Variants in ARHGAP26 observed in about 807,000 individuals in gnomAD.
The protein encoded by ARHGAP26 is Rho GTPase activating protein 26.
In ARHGAP26, 38 loss-of-function variants were observed where a neutral mutation model predicts 104.8. The ratio of observed to expected loss-of-function variants is 0.36; its 90% confidence interval spans 0.28 to 0.48. The LOEUF (loss-of-function observed/expected upper bound fraction) is 0.48. Ranked by LOEUF, ARHGAP26 falls within the 20% of genes least tolerant of loss-of-function variation. The probability of loss-of-function intolerance (pLI) is 0.99; values close to 1 mark genes in which losing one functional copy is unlikely to be tolerated. For synonymous variants in ARHGAP26, 341 were observed against 340.0 expected (o/e 1.00, Z -0.03); for missense variants, 704 against 947.9 (o/e 0.74, Z 3.38).
intron 1 of ARHGAP26, among the ~76,000 whole-genome samples, chr5:142,849,963 G>A (rs894631383): frequency 3.2e-4 from 48 of 152,194 alleles, no homozygotes; most frequent in Middle Eastern, 3.4e-3. Flanking sequence ...TTCTCACCAC[G>A]CCAACCACTG....
At chr5:143,170,510 GA>G (rs1156707302) in intron 20 of ARHGAP26, 1 of 152,210 alleles carries the variant, frequency 6.6e-6, no homozygotes, top group East Asian at 1.9e-4. Context: ...TTCATATCCT[GA>G]GAACAAATTT....
intron 12 of ARHGAP26, among the ~76,000 whole-genome samples, chr5:143,029,392 G>GTTTTTTTTTTTTTTTTTTTTTTT (rs536919888): frequency 2.5e-5 from 2 of 80,812 alleles, no homozygotes. Context: ...TTACTTCTCA[G>GTTTTTTTTTTTTTTTTTTTTTTT]TTTTTTTTTT....
At chr5:143,075,446 T>A (rs1788858294) in intron 17 of ARHGAP26, among the ~76,000 whole-genome samples, 1 of 151,972 alleles carries the variant, frequency 6.6e-6, no homozygotes, top group Admixed American at 6.6e-5. Flanking sequence ...TTTAAAAAAA[T>A]GTTTCTCAGA....
At chr5:142,936,145 A>C (rs921080931) in intron 11 of ARHGAP26, among the ~76,000 whole-genome samples, 12 of 149,458 alleles carry the variant, frequency 8.0e-5, no homozygotes, top group South Asian at 4.3e-4. Flanking sequence ...ACACACACAC[A>C]CCCCTTCTAT....
At chr5:142,917,148 T>A (rs894152617) in intron 10 of ARHGAP26, among the ~76,000 whole-genome samples, 1 of 151,706 alleles carries the variant, frequency 6.6e-6, no homozygotes, top group Non-Finnish European at 1.5e-5. Context: ...CAAGCAATTC[T>A]CCTGCCTCAG....
At chr5:143,212,419 C>T (rs1004374512) in intron 21 of ARHGAP26, among the ~76,000 whole-genome samples, 1 of 151,652 alleles carries the variant, frequency 6.6e-6, no homozygotes. Flanking sequence ...GATGTTTGGT[C>T]CTTGCTGGCC....
chr5:143,139,459 G>C (rs972228375), intron 19 of ARHGAP26, among the ~76,000 whole-genome samples: 2 of 152,128 alleles, frequency 1.3e-5, no homozygotes, highest in Non-Finnish European at 2.9e-5. Flanking sequence ...GTCAGTTCTT[G>C]AGCTACAGAA....
intron 10 of ARHGAP26, among the ~76,000 whole-genome samples, chr5:142,913,996 C>T (rs1427988713): frequency 6.6e-6 from 1 of 152,174 alleles, no homozygotes; most frequent in Non-Finnish European, 1.5e-5. Context: ...TTTGAGCTGC[C>T]TGTTCAAGAT....
At chr5:143,153,146 C>A in intron 20 of ARHGAP26, among the ~76,000 whole-genome samples, 1 of 152,074 alleles carries the variant, frequency 6.6e-6, no homozygotes, top group East Asian at 1.9e-4. Flanking sequence ...TCAGAATCTT[C>A]TTGGAAAGAA....
Position 142,870,375 on chromosome 5 carries a change from A to G in ARHGAP26, c.155-3025A>G, listed in dbSNP as rs533744880. Reference sequence around the variant, plus strand: ...AAGAAGCAATGGTTTTTAGGTAGAGAGTTCTCTTTTTAGTGTTGTTTTCAA... The same window carrying G: ...AAGAAGCAATGGTTTTTAGGTAGAGGGTTCTCTTTTTAGTGTTGTTTTCAA... On this transcript the variant is annotated intron_variant, in intron 1 of 22. Transcript: ENST00000645722. Among the ~76,000 whole-genome samples the G allele has an allele frequency of 3.9e-5, 6 of 152,256 alleles. 1 individual carries two copies. Among genetic ancestry groups the G allele is most frequent in the African/African-American group, 1.4e-4 (6 of 41,556 alleles).
chr5:143,155,231 G>A (rs1229235151), intron 20 of ARHGAP26, among the ~76,000 whole-genome samples: 1 of 152,154 alleles, frequency 6.6e-6, no homozygotes, highest in Non-Finnish European at 1.5e-5. Flanking sequence ...CTCGTTCATT[G>A]TTGTTTCTTG....
At chr5:143,069,703 C>G (rs1264550354) in intron 17 of ARHGAP26, among the ~76,000 whole-genome samples, 1 of 152,150 alleles carries the variant, frequency 6.6e-6, no homozygotes, top group Non-Finnish European at 1.5e-5. Context: ...TGCTGAAATT[C>G]AGTTTTTTGC....
At chr5:142,821,335 G>A (rs1490940529) in intron 1 of ARHGAP26, among the ~76,000 whole-genome samples, 3 of 129,812 alleles carry the variant, frequency 2.3e-5, no homozygotes, top group Non-Finnish European at 4.7e-5. Context: ...TTTAAACTTG[G>A]CATTTCAAGG....
At chr5:142,926,538 C>T (rs1461747835) in intron 10 of ARHGAP26, among the ~76,000 whole-genome samples, 1 of 152,138 alleles carries the variant, frequency 6.6e-6, no homozygotes, top group African/African-American at 2.4e-5. Flanking sequence ...CCAAAGACCC[C>T]TTCTCTGTTC....
At chr5:142,782,940 C>T (rs1025832818) in intron 1 of ARHGAP26, among the ~76,000 whole-genome samples, 2 of 152,126 alleles carry the variant, frequency 1.3e-5, no homozygotes, top group African/African-American at 4.8e-5. Context: ...TCTGGCTTTA[C>T]CCAAGGAAAT....
chr5:142,887,245 T>C (rs772258596), intron 5 of ARHGAP26, among the ~76,000 whole-genome samples: 47 of 152,334 alleles, frequency 3.1e-4, no homozygotes, highest in Middle Eastern at 3.4e-3. Context: ...TACCACAGTG[T>C]AGGGACCAGA....
intron 20 of ARHGAP26, among the ~76,000 whole-genome samples, chr5:143,197,387 C>G (rs972089174): frequency 2.6e-5 from 4 of 152,192 alleles, no homozygotes; most frequent in Non-Finnish European, 5.9e-5. Context: ...TCATAAACCT[C>G]TGGTATTTCC....
At chr5:142,790,184 A>G (rs185108665) in intron 1 of ARHGAP26, among the ~76,000 whole-genome samples, 23 of 152,342 alleles carry the variant, frequency 1.5e-4, no homozygotes, top group African/African-American at 5.1e-4. Flanking sequence ...GTAAAGTACC[A>G]TGATGGAAAT....
intron 11 of ARHGAP26, among the ~76,000 whole-genome samples, chr5:142,965,751 G>A (rs1365968577): frequency 6.6e-6 from 1 of 151,812 alleles, no homozygotes. Flanking sequence ...CTCTTGCCTC[G>A]GCACCTGGGT....
Sources: gnomAD v4.1 joint callset for allele counts (sites outside exome capture counted in the v4.1 genomes callset) on GRCh38, gnomAD v4.1.1 for gene constraint, MANE v1.5 for transcripts, NCBI Gene and HGNC (gene_info 2026-07-23, HGNC 2026-07-21) for gene names.